The following PTPRD variants were observed in gnomAD, a reference collection of about 807,000 sequenced individuals.
PTPRD encodes protein tyrosine phosphatase receptor type D.
PTPRD carries 34 observed loss-of-function variants against 214.5 expected under a neutral mutation model. The observed-to-expected ratio is 0.16, with a 90% CI of 0.12 to 0.21. PTPRD has a LOEUF of 0.21. PTPRD is among the 10% of genes least tolerant of loss of function. The pLI is 1.00. For synonymous variants in PTPRD, 1,128 were observed against 845.7 expected (o/e 1.33, Z -5.79); for missense variants, 2,545 against 2,398.7 (o/e 1.06, Z -1.27).
intron 11 of PTPRD, among the ~76,000 whole-genome samples, chr9:8,776,421 C>T (rs561764279): frequency 1.9e-4 from 29 of 152,214 alleles, no homozygotes; most frequent in Middle Eastern, 3.4e-3. Context: ...TGATACTTAG[C>T]GTCCCAAGTA....
chr9:8,518,464 C>T (rs1264049715), intron 20 of PTPRD, 35 bp from the exon 21 acceptor site: 1 of 1,409,388 alleles, frequency 7.1e-7, no homozygotes, highest in Non-Finnish European at 9.7e-7. Context: ...AATGACTACC[C>T]ATCATCCCTA....
chr9:8,858,834 CACACACAG>C (rs756649084), intron 11 of PTPRD, among the ~76,000 whole-genome samples: 3,752 of 147,316 alleles, frequency 0.025, 102 homozygotes, highest in African/African-American at 0.068. Flanking sequence ...CACACATACA[CACACACAG>C]ACACACAGAC....
At chr9:8,715,566 A>G (rs2098422945) in intron 12 of PTPRD, among the ~76,000 whole-genome samples, 3 of 152,238 alleles carry the variant, frequency 2.0e-5, no homozygotes, top group African/African-American at 7.2e-5. Flanking sequence ...AGATCATTTT[A>G]TTTAAAAACC....
At chr9:10,177,356 A>G (rs1423650465) in intron 3 of PTPRD, among the ~76,000 whole-genome samples, 1 of 151,774 alleles carries the variant, frequency 6.6e-6, no homozygotes, top group Non-Finnish European at 1.5e-5. Flanking sequence ...GGCAGGTAGA[A>G]GAGGTAGAAA....
intron 10 of PTPRD, among the ~76,000 whole-genome samples, chr9:9,077,456 T>C (rs2099752959): frequency 6.6e-6 from 1 of 152,126 alleles, no homozygotes. Context: ...ACTTTGGTGA[T>C]TTTTATTATT....
chr9:9,597,740 G>T (rs142560165), intron 7 of PTPRD, among the ~76,000 whole-genome samples: 182 of 152,040 alleles, frequency 1.2e-3, no homozygotes, highest in African/African-American at 4.4e-3. Flanking sequence ...TCAGTAGTGC[G>T]AAGAGACAGG....
chr9:9,583,547 C>T (rs2091301047), intron 7 of PTPRD, among the ~76,000 whole-genome samples: 2 of 151,926 alleles, frequency 1.3e-5, no homozygotes, highest in Non-Finnish European at 1.5e-5. Flanking sequence ...TAATAATGCT[C>T]ATCATAAAGT....
At chr9:9,275,085 A>G in intron 9 of PTPRD, among the ~76,000 whole-genome samples, 1 of 69,180 alleles carries the variant, frequency 1.4e-5, no homozygotes, top group Non-Finnish European at 2.7e-5. Context: ...TATATATAAT[A>G]TATATGTTAT....
chr9:10,563,671 ATTTT>A (rs997208347), intron 2 of PTPRD, among the ~76,000 whole-genome samples: 1 of 106,990 alleles, frequency 9.3e-6, no homozygotes, highest in Non-Finnish European at 2.0e-5. Context: ...TATCATCGTT[ATTTT>A]TTTTTATCTT....
intron 3 of PTPRD, among the ~76,000 whole-genome samples, chr9:10,176,369 G>A (rs988495268): frequency 6.6e-6 from 1 of 151,364 alleles, no homozygotes; most frequent in Admixed American, 6.6e-5. Context: ...AAAATTCTAG[G>A]CAGTTTACCT....
At chr9:9,010,101 T>A (rs1365927509) in intron 11 of PTPRD, among the ~76,000 whole-genome samples, 1 of 152,148 alleles carries the variant, frequency 6.6e-6, no homozygotes, top group Non-Finnish European at 1.5e-5. Context: ...CATTCAAGAT[T>A]TCAGCAATTC....
intron 8 of PTPRD, among the ~76,000 whole-genome samples, chr9:9,522,656 C>G (rs140765590): frequency 1.3e-5 from 2 of 152,242 alleles, no homozygotes; most frequent in Non-Finnish European, 2.9e-5. Flanking sequence ...ATTTCCTGCA[C>G]TCTTTTCTCT....
intron 8 of PTPRD, among the ~76,000 whole-genome samples, chr9:9,420,398 G>T (rs1196359443): frequency 6.6e-6 from 1 of 151,746 alleles, no homozygotes; most frequent in Non-Finnish European, 1.5e-5. Context: ...AGCTGTTACT[G>T]CCTCCCCTAT....
intron 9 of PTPRD, among the ~76,000 whole-genome samples, chr9:9,198,342 G>C (rs2099939864): frequency 1.3e-5 from 2 of 151,450 alleles, no homozygotes; most frequent in Non-Finnish European, 2.9e-5. Context: ...TACCCTAAGT[G>C]TCCATTTAAA....
At chr9:8,694,908 C>A (rs897435568) in intron 12 of PTPRD, among the ~76,000 whole-genome samples, 5 of 152,122 alleles carry the variant, frequency 3.3e-5, no homozygotes, top group Non-Finnish European at 5.9e-5. Flanking sequence ...CTTTACTTGA[C>A]CCAACAAACA....
At chr9:10,521,669 C>T (rs532029220) in intron 2 of PTPRD, among the ~76,000 whole-genome samples, 1 of 152,212 alleles carries the variant, frequency 6.6e-6, no homozygotes, top group Non-Finnish European at 1.5e-5. Context: ...CCCTAACCTT[C>T]GACAACCACC....
chr9:9,484,990 A>G (rs1469722781), intron 8 of PTPRD, among the ~76,000 whole-genome samples: 6 of 152,206 alleles, frequency 3.9e-5, no homozygotes, highest in Non-Finnish European at 7.3e-5. Context: ...CCAGTTTATG[A>G]ATTATGCATA....
chr9:9,182,909 G>C (rs2131488909), intron 10 of PTPRD, among the ~76,000 whole-genome samples: 1 of 151,804 alleles, frequency 6.6e-6, no homozygotes, highest in East Asian at 1.9e-4. Context: ...AAAGTATGTA[G>C]GCGAGACCAC....
chr9:8,708,892 C>T (rs758481280), intron 12 of PTPRD, among the ~76,000 whole-genome samples: 2 of 151,990 alleles, frequency 1.3e-5, no homozygotes, highest in Non-Finnish European at 2.9e-5. Context: ...CTATTATGTA[C>T]ACAGTGAAAT....
Sources: gnomAD v4.1 joint callset for allele counts (sites outside exome capture counted in the v4.1 genomes callset) on GRCh38, gnomAD v4.1.1 for gene constraint, MANE v1.5 for transcripts, NCBI Gene and HGNC (gene_info 2026-07-23, HGNC 2026-07-21) for gene names.